The following PFKP variants were observed in gnomAD, a reference collection of about 807,000 sequenced individuals.
PFKP encodes ATP-dependent 6-phosphofructokinase, platelet type.
A neutral mutation model predicts 94.3 loss-of-function variants in PFKP; 101 were observed. The ratio of observed to expected loss-of-function variants is 1.07; its 90% CI spans 0.91 to 1.26. The LOEUF is 1.26. Among genes scored for constraint, PFKP ranks in the 50% most tolerant of loss-of-function variants. The pLI is 0.00. For missense variants in PFKP, 1,145 were observed against 1,103.3 expected, an observed-to-expected ratio of 1.04 and a Z score of -0.53; for synonymous variants, 573 against 432.6, an observed-to-expected ratio of 1.32 and a Z score of -4.03.
chr10:3,128,071 A>T (rs1838148828), intron 16 of PFKP, among the ~76,000 whole-genome samples: 1 of 151,892 alleles, frequency 6.6e-6, no homozygotes, highest in Non-Finnish European at 1.5e-5. Flanking sequence ...CCCATTAGGG[A>T]ATCCTGCAGG....
intron 14 of PFKP, 48 bp from the exon 15 acceptor site, chr10:3,118,734 C>A (rs766243283): frequency 2.2e-6 from 3 of 1,394,446 alleles, no homozygotes; most frequent in Non-Finnish European, 3.1e-6. Flanking sequence ...CTGCGGACCG[C>A]GTGGAGTTTG....
intron 13 of PFKP, 112 bp downstream of exon 13, chr10:3,113,630 G>A (rs61250636): frequency 0.017 from 10,814 of 623,450 alleles, 395 homozygotes; most frequent in African/African-American, 0.14. Context: ...GCCTCAGTCC[G>A]GGATCCTGTG....
intron 8 of PFKP, chr10:3,107,906 T>C: frequency 7.8e-7 from 1 of 1,289,572 alleles, no homozygotes; most frequent in African/African-American, 1.5e-5. Flanking sequence ...GGCTGCAGGC[T>C]GCCGGGGCTG....
intron 4 of PFKP, among the ~76,000 whole-genome samples, chr10:3,102,518 A>G (rs1588467921): frequency 6.6e-6 from 1 of 151,830 alleles, no homozygotes; most frequent in African/African-American, 2.4e-5. Context: ...GGTTCAAGCA[A>G]TTCTCCTGCC....
At chr10:3,102,628 C>T (rs1030689714) in intron 4 of PFKP, among the ~76,000 whole-genome samples, 26 of 152,118 alleles carry the variant, frequency 1.7e-4, no homozygotes, top group African/African-American at 5.6e-4. Flanking sequence ...GATAGGGTTT[C>T]GCCATGTTGG....
At chr10:3,134,702 T>C (rs1310985099) in intron 20 of PFKP, 120 bp downstream of exon 20, 1 of 641,118 alleles carries the variant, frequency 1.6e-6, no homozygotes, top group East Asian at 2.5e-5. Context: ...AGTACTGAGC[T>C]GCACGTGATG....
intron 1 of PFKP, chr10:3,069,164 G>A (rs1831985593): frequency 6.5e-6 from 7 of 1,079,026 alleles, no homozygotes; most frequent in Non-Finnish European, 8.2e-6. Flanking sequence ...CGGGAGACCC[G>A]GGTGGCAGCG....
intron 2 of PFKP, among the ~76,000 whole-genome samples, chr10:3,090,431 TTGAC>T (rs1564283358): frequency 6.6e-6 from 1 of 152,332 alleles, no homozygotes; most frequent in African/African-American, 2.4e-5. Context: ...GAGGAGCTGT[TTGAC>T]TGCTTTTCAG....
At chr10:3,100,028 T>C (rs1487131323) in intron 3 of PFKP, among the ~76,000 whole-genome samples, 2 of 150,748 alleles carry the variant, frequency 1.3e-5, no homozygotes, top group Non-Finnish European at 2.9e-5. Flanking sequence ...TGTGTGTATA[T>C]GTGGTGTCCT....
chr10:3,077,364 C>G (rs1210825551), intron 1 of PFKP, among the ~76,000 whole-genome samples: 1 of 143,190 alleles, frequency 7.0e-6, no homozygotes, highest in Non-Finnish European at 1.5e-5. Context: ...CGGGTTCAAG[C>G]GATTCTCCTG....
At chr10:3,103,544 G>A (rs772212721) in intron 4 of PFKP, among the ~76,000 whole-genome samples, 15 of 152,160 alleles carry the variant, frequency 9.9e-5, no homozygotes, top group Non-Finnish European at 2.1e-4. Context: ...CAGAAGGATC[G>A]CCTGAGCCCA....
chr10:3,131,322 C>G (rs1838562459), intron 17 of PFKP, among the ~76,000 whole-genome samples: 2 of 152,114 alleles, frequency 1.3e-5, no homozygotes, highest in Non-Finnish European at 2.9e-5. Context: ...CTTAAGTCAC[C>G]TAGCAATGCA....
In PFKP at chr10:3,090,322, C is replaced by T. The variant is rs200331573; in HGVS notation, c.186+7861C>T. Among the ~76,000 whole-genome samples, 11 of 152,304 alleles carry T rather than the reference C, an allele frequency of 7.2e-5. 1 individual carries two copies. The East Asian group carries it at 9.6e-4, about 13-fold the overall frequency. On this transcript the variant is annotated intron_variant, in intron 2 of 21. Transcript: ENST00000381125. Reference sequence around the variant, plus strand: ...CAGTGACTGTGGATGCATAAATCAACCTTTCATTTCTGTGTGCTCATCTGT... The same window carrying T: ...CAGTGACTGTGGATGCATAAATCAATCTTTCATTTCTGTGTGCTCATCTGT...
intron 16 of PFKP, among the ~76,000 whole-genome samples, chr10:3,121,058 T>C (rs532522877): frequency 6.8e-6 from 1 of 147,992 alleles, no homozygotes; most frequent in Non-Finnish European, 1.5e-5. Flanking sequence ...CTAGCACTGG[T>C]AAATAAAAAA....
chr10:3,093,846 T>C lies in PFKP; in HGVS notation c.187-5429T>C, dbSNP rs546691388. On this transcript the variant is annotated intron_variant, in intron 2 of 21. Coordinates refer to ENST00000381125, the MANE Select transcript of PFKP (RefSeq NM_002627.5). ...TTTTAGTAGAGGTGGGGTTTCACCGTGTTAGCCAGGATGGTCTCCATCTCC... is the reference window on the plus strand; with the variant it reads ...TTTTAGTAGAGGTGGGGTTTCACCGCGTTAGCCAGGATGGTCTCCATCTCC... Among the ~76,000 whole-genome samples, 220 of 152,196 alleles carry C rather than the reference T, an allele frequency of 1.4e-3. 1 individual carries two copies. The highest frequency in any genetic ancestry group is 4.4e-3 in the African/African-American group (183 of 41,518).
At chr10:3,069,503 A>G in intron 1 of PFKP, 1 of 931,244 alleles carries the variant, frequency 1.1e-6, no homozygotes, top group Non-Finnish European at 1.6e-6. Context: ...GCGAAAGACA[A>G]GAAACCTTTG....
At chr10:3,134,292 CG>C (rs146014918) in intron 19 of PFKP, among the ~76,000 whole-genome samples, 190 bp from the exon 20 acceptor site, 6 of 152,158 alleles carry the variant, frequency 3.9e-5, no homozygotes, top group African/African-American at 9.7e-5. Context: ...TCTTACTGAG[CG>C]GGGGGAACAC....
At chr10:3,094,347 C>A (rs1414676347) in intron 2 of PFKP, among the ~76,000 whole-genome samples, 1 of 152,216 alleles carries the variant, frequency 6.6e-6, no homozygotes, top group Non-Finnish European at 1.5e-5. Flanking sequence ...TATTGGTCTT[C>A]CAAAGAAGCA....
At chr10:3,068,653 C>G in intron 1 of PFKP, 1 of 984,954 alleles carries the variant, frequency 1.0e-6, no homozygotes, top group Non-Finnish European at 1.2e-6. Context: ...CGGAAGGTGG[C>G]GGAGACTCGG....
Sources: gnomAD v4.1 joint callset for allele counts (sites outside exome capture counted in the v4.1 genomes callset) on GRCh38, gnomAD v4.1.1 for gene constraint, MANE v1.5 for transcripts, NCBI Gene and HGNC (gene_info 2026-07-23, HGNC 2026-07-21) for gene names.